Variants in DNAJC6 observed in about 807,000 individuals in gnomAD.
The protein encoded by DNAJC6 is DnaJ heat shock protein family (Hsp40) member C6, also known as auxilin.
DNAJC6 carries 34 observed loss-of-function variants against 110.0 expected under a neutral mutation model. That is an observed-to-expected ratio of 0.31 (90% CI 0.24 to 0.41). The LOEUF (loss-of-function observed/expected upper bound fraction) is 0.41. Ranked by LOEUF, DNAJC6 falls within the 10% of genes least tolerant of loss-of-function variation. The probability of loss-of-function intolerance (pLI) is 1.00; values close to 1 mark genes in which losing one functional copy is unlikely to be tolerated. For missense variants in DNAJC6, 1,031 were observed against 1,207.8 expected (o/e 0.85, Z 2.17); for synonymous variants, 406 against 437.2 (o/e 0.93, Z 0.89).
At chr1:65,358,532 T>A (rs796489925) in intron 1 of DNAJC6, among the ~76,000 whole-genome samples, 20 of 152,330 alleles carry the variant, frequency 1.3e-4, no homozygotes, top group African/African-American at 4.8e-4. Context: ...GCCTAGTATG[T>A]GGTAGGCATT....
At chr1:65,279,446 A>G (rs1306181690) in intron 1 of DNAJC6, 1 of 152,122 alleles carries the variant, frequency 6.6e-6, no homozygotes, top group Non-Finnish European at 1.5e-5. Flanking sequence ...AGTGAAGACT[A>G]TTTCTGATCT....
Position 65,368,602 on chromosome 1 carries a change from CTT to C in DNAJC6, c.543+2407_543+2408del, listed in dbSNP as rs1645672344. 3.4e-5 allele frequency among the ~76,000 whole-genome samples: 5 copies of C among 146,008 alleles called. No homozygotes were observed. The East Asian group carries it at 6.0e-4, about 17-fold the overall frequency. ...TCTTCCTCCTCTTCTTCTTCTTCTT[CTT>C]CTCCTCCTTCTCCTTCTTCTCCTTC... is the stretch of plus-strand genomic sequence containing the variant. On this transcript the variant is annotated intron_variant, in intron 4 of 18. Coordinates refer to ENST00000371069, the MANE Select transcript of DNAJC6 (RefSeq NM_001256864.2).
chr1:65,414,039 C>G lies in DNAJC6; in HGVS notation c.*1014C>G, dbSNP rs1326217298. 2.0e-5 allele frequency: 3 copies of G among 152,134 alleles called. No individual in the cohort carries two copies. The highest frequency in any genetic ancestry group is 2.1e-4 in the South Asian group (1 of 4,830). 9.4% of individuals were successfully genotyped at this position (152,134 alleles called of 1,614,324 possible). A position where few individuals can be genotyped will look rare whatever the true frequency, so the allele number is the denominator to read the frequency against. On this transcript the variant is annotated 3_prime_UTR_variant, in exon 19 of 19. Transcript: ENST00000371069. ...CTGAATAGGAGTTAAGGGAATGGCACGATCACAGTGAGAGAGCTGCACTCA... is the reference window on the plus strand; with the variant it reads ...CTGAATAGGAGTTAAGGGAATGGCAGGATCACAGTGAGAGAGCTGCACTCA...
In DNAJC6 at chr1:65,366,102, A is replaced by G. The variant is rs1645643935; in HGVS notation, c.449A>G (p.Asp150Gly). The G allele has an allele frequency of 1.9e-6, 3 of 1,613,926 alleles. No individual in the cohort carries two copies. The highest frequency in any genetic ancestry group is 2.5e-6 in the Non-Finnish European group (3 of 1,179,846). Residue 150 changes from aspartate to glycine, a missense_variant, in exon 4 of 19, where the codon GAC becomes GGC. Transcript: ENST00000371069. ...VDIGFRNQVD[D>G]IRSFLDSRHL... ...ATAGGATTCAGGAATCAGGTTGATG[A>G]CATTCGAAGCTTTTTGGATTCCAGA...
At chr1:65,308,763 A>G (rs1465802406), upstream of DNAJC6, among the ~76,000 whole-genome samples, 7 of 152,204 alleles carry the variant, frequency 4.6e-5, no homozygotes, top group Non-Finnish European at 4.4e-5. Flanking sequence ...TCTTTTCTCC[A>G]GGTCCTAAGG....
At chr1:65,399,339 T>G (rs1042265485) in intron 14 of DNAJC6, among the ~76,000 whole-genome samples, 3 of 152,200 alleles carry the variant, frequency 2.0e-5, no homozygotes, top group Non-Finnish European at 4.4e-5. Flanking sequence ...TACAAAGTAC[T>G]TACTTCAGGG....
At chr1:65,379,244 A>C (rs1320284874) in intron 4 of DNAJC6, among the ~76,000 whole-genome samples, 158 bp from the exon 5 acceptor site, 2 of 152,176 alleles carry the variant, frequency 1.3e-5, no homozygotes, top group Non-Finnish European at 2.9e-5. Flanking sequence ...TGTGTTAAAC[A>C]CCCTCTTCTT....
At chr1:65,305,625 A>T (rs553961698), upstream of DNAJC6, among the ~76,000 whole-genome samples, 1 of 152,200 alleles carries the variant, frequency 6.6e-6, no homozygotes, top group African/African-American at 2.4e-5. Flanking sequence ...TTGGAGTGTC[A>T]TGGGGGACAC....
intron 2 of DNAJC6, 106 bp downstream of exon 2, chr1:65,364,891 A>G: frequency 7.1e-7 from 1 of 1,418,034 alleles, no homozygotes; most frequent in East Asian, 2.3e-5. Context: ...TTTGGGATAT[A>G]ATTTTATGGG....
chr1:65,387,403 A>G (rs1262464512), intron 8 of DNAJC6, among the ~76,000 whole-genome samples: 1 of 152,212 alleles, frequency 6.6e-6, no homozygotes, highest in Admixed American at 6.5e-5. Flanking sequence ...CTAATTCCAG[A>G]ACATTTTCAT....
At chr1:65,282,623 A>C (rs1322291007) in intron 1 of DNAJC6, among the ~76,000 whole-genome samples, 1 of 152,168 alleles carries the variant, frequency 6.6e-6, no homozygotes, top group Non-Finnish European at 1.5e-5. Context: ...TTAAAACAAC[A>C]GATGTCAGGT....
chr1:65,268,075 C>G (rs1653394444), intron 1 of DNAJC6, among the ~76,000 whole-genome samples: 1 of 152,116 alleles, frequency 6.6e-6, no homozygotes, highest in Admixed American at 6.5e-5. Context: ...GAAGTCAATT[C>G]TTTTTGTAAA....
At chr1:65,344,218 A>T (rs1645415964) in intron 1 of DNAJC6, among the ~76,000 whole-genome samples, 3 of 152,338 alleles carry the variant, frequency 2.0e-5, no homozygotes, top group Admixed American at 6.5e-5. Context: ...TCCTCCCTCC[A>T]GGGGTCCTTA....
chr1:65,268,906 A>G (rs1653419739), intron 1 of DNAJC6, among the ~76,000 whole-genome samples: 1 of 152,218 alleles, frequency 6.6e-6, no homozygotes, highest in African/African-American at 2.4e-5. Flanking sequence ...ACAAAATAAT[A>G]AGAATGAAGA....
intron 1 of DNAJC6, among the ~76,000 whole-genome samples, chr1:65,290,035 C>T (rs2101222947): frequency 1.3e-5 from 2 of 152,202 alleles, no homozygotes; most frequent in South Asian, 4.2e-4. Context: ...GTCTTGAACT[C>T]CTGACCTCAA....
intron 1 of DNAJC6, among the ~76,000 whole-genome samples, chr1:65,364,279 T>C (rs1196458591): frequency 6.6e-6 from 1 of 152,182 alleles, no homozygotes; most frequent in Non-Finnish European, 1.5e-5. Flanking sequence ...TTACATTCTT[T>C]TTTTTTTGCA....
intron 17 of DNAJC6, among the ~76,000 whole-genome samples, chr1:65,410,662 A>G (rs1244580363): frequency 1.3e-5 from 2 of 152,178 alleles, no homozygotes; most frequent in East Asian, 1.9e-4. Context: ...ATTTGTTCAA[A>G]CTGTGAATGT....
chr1:65,373,916 G>A (rs1292941635), intron 4 of DNAJC6, among the ~76,000 whole-genome samples: 1 of 151,952 alleles, frequency 6.6e-6, no homozygotes, highest in Admixed American at 6.6e-5. Flanking sequence ...ATATTTTTGG[G>A]TTTTGGATTC....
intron 1 of DNAJC6, 102 bp from the exon 2 acceptor site, chr1:65,364,533 A>G: frequency 7.7e-7 from 1 of 1,300,526 alleles, no homozygotes; most frequent in Non-Finnish European, 1.0e-6. Flanking sequence ...CCAGACTCTT[A>G]AAGACAGTCT....
Sources: gnomAD v4.1 joint callset for allele counts (sites outside exome capture counted in the v4.1 genomes callset) on GRCh38, gnomAD v4.1.1 for gene constraint, MANE v1.5 for transcripts, NCBI Gene and HGNC (gene_info 2026-07-23, HGNC 2026-07-21) for gene names.